Variants in SYTL2 observed in about 807,000 individuals in gnomAD.
SYTL2 encodes synaptotagmin-like protein 2.
In SYTL2, 165 loss-of-function variants were observed where a neutral mutation model predicts 198.7. The observed-to-expected ratio is 0.83, with a 90% CI of 0.73 to 0.94. SYTL2 has a LOEUF of 0.94. Ranked by LOEUF, SYTL2 falls within the 40% of genes least tolerant of loss-of-function variation. The probability of loss-of-function intolerance (pLI) is 0.00; values close to 1 mark genes in which losing one functional copy is unlikely to be tolerated. For missense variants in SYTL2, 2,835 were observed against 2,582.8 expected, an observed-to-expected ratio of 1.10 and a Z score of -2.12; for synonymous variants, 966 against 917.7, an observed-to-expected ratio of 1.05 and a Z score of -0.95.
chr11:85,789,684 A>T (rs1275324269), intron 1 of SYTL2, among the ~76,000 whole-genome samples: 1 of 151,968 alleles, frequency 6.6e-6, no homozygotes, highest in African/African-American at 2.4e-5. Context: ...CAATCTTATG[A>T]GTGATGCACA....
At chr11:85,824,283 G>A in the SYTL2 span, among the ~76,000 whole-genome samples, 2 of 152,064 alleles carry the variant, frequency 1.3e-5, no homozygotes, top group Non-Finnish European at 2.9e-5. Flanking sequence ...GAAGGTCCAC[G>A]GCAAACTTGG....
At chr11:85,789,285 A>G (rs2153618858) in intron 1 of SYTL2, among the ~76,000 whole-genome samples, 1 of 139,780 alleles carries the variant, frequency 7.2e-6, no homozygotes, top group African/African-American at 2.7e-5. Context: ...GTGTGTGTAT[A>G]TATATATATA....
intron 18 of SYTL2, among the ~76,000 whole-genome samples, chr11:85,697,461 A>G (rs1202956957): frequency 6.6e-6 from 1 of 152,238 alleles, no homozygotes; most frequent in Non-Finnish European, 1.5e-5. Context: ...ACTAGATGCC[A>G]GTCACTTTAT....
Position 85,724,319 on chromosome 11 carries a change from G to A in SYTL2, c.5039C>T (p.Thr1680Ile). Residue 1680 changes from threonine (T) to isoleucine (I), a missense_variant, in exon 8 of 20, where the codon ACC becomes ATC. Thr to Ile is a moderately conservative substitution (Grantham distance 89). Transcript: ENST00000359152. ...AHEIGTIKTVTPPEDRDSESG... is the reference protein window; with the variant it reads ...AHEIGTIKTVIPPEDRDSESG... ...TTCACTGTCCCTGTCCTCTGGGGGG[G>A]TTACAGTTTTAATGGTCCCTATTTC... 2 of 1,579,336 alleles carry A rather than the reference G, an allele frequency of 1.3e-6. No individual in the cohort carries two copies. Among genetic ancestry groups the A allele is most frequent in the Non-Finnish European group, 1.7e-6 (2 of 1,165,820 alleles).
Position 85,724,354 on chromosome 11 carries a change from A to G in SYTL2, c.5004T>C (p.Tyr1668=). The change falls in exon 8 of 20, where the codon TAT becomes TAC. Residue 1668 remains tyrosine (Y), a synonymous_variant. Transcript: ENST00000359152. ...GVEIPRTPQL[Y]VAHEIGTIKT... is the part of the protein sequence containing the mutation. ...TAATGGTCCCTATTTCATGAGCCAC[A>G]TAAAGTTGTGGGGTTCTAGGGATCT... is the stretch of plus-strand genomic sequence containing the variant. 1 of 1,586,758 alleles carries G rather than the reference A, an allele frequency of 6.3e-7. No individual in the cohort carries two copies. Among genetic ancestry groups the G allele is most frequent in the Non-Finnish European group, 8.6e-7 (1 of 1,169,186 alleles).
intron 1 of SYTL2, among the ~76,000 whole-genome samples, chr11:85,797,526 G>C (rs1346588329): frequency 6.6e-6 from 1 of 151,666 alleles, no homozygotes; most frequent in East Asian, 1.9e-4. Flanking sequence ...TACTTGGGAA[G>C]CTGAGGCACA....
intron 8 of SYTL2, among the ~76,000 whole-genome samples, chr11:85,723,240 G>A (rs780374523): frequency 6.6e-4 from 101 of 152,330 alleles, no homozygotes; most frequent in Non-Finnish European, 1.1e-3. Context: ...TGAATGTGGA[G>A]ATCGACTCAG....
intron 1 of SYTL2, among the ~76,000 whole-genome samples, chr11:85,790,736 T>C (rs1284352936): frequency 6.6e-6 from 1 of 152,192 alleles, no homozygotes; most frequent in Non-Finnish European, 1.5e-5. Context: ...CCTATGGTGC[T>C]GGCAGGTCCT....
chr11:85,705,228 T>G, intron 15 of SYTL2, 200 bp from the exon 16 acceptor site: 3 of 456,624 alleles, frequency 6.6e-6, no homozygotes, highest in Non-Finnish European at 1.2e-5. Context: ...AAAAGCTGAT[T>G]TGCTTCCCCA....
chr11:85,714,515 G>A lies in SYTL2; in HGVS notation c.5531-8C>T. 1 of 1,607,586 alleles carries A rather than the reference G, an allele frequency of 6.2e-7. No homozygotes were observed. Among genetic ancestry groups the A allele is most frequent in the East Asian group, 2.2e-5 (1 of 44,804 alleles). On this transcript the variant is annotated splice_polypyrimidine_tract_variant and splice_region_variant and intron_variant, in intron 11 of 19. Transcript: ENST00000359152. ...GTGTAGGCACTGTGGAAACTAAACA[G>A]CAGCATTTCCATTTCAAAATTATTC...
At chr11:85,820,256 A>T in the SYTL2 span, among the ~76,000 whole-genome samples, 1 of 152,224 alleles carries the variant, frequency 6.6e-6, no homozygotes, top group Admixed American at 6.5e-5. Flanking sequence ...AATAACTTTA[A>T]AATAATTTGA....
chr11:85,853,624 CCCCCTCTGCGAGAAA>C, the SYTL2 span: 2 of 149,688 alleles, frequency 1.3e-5, no homozygotes, highest in Non-Finnish European at 2.9e-5. Context: ...CCTGCCAAAT[CCCCCTCTGCGAGAAA>C]CACCCAAGAA....
At chr11:85,756,612 CAA>C (rs1444137748) in intron 2 of SYTL2, among the ~76,000 whole-genome samples, 1 of 152,140 alleles carries the variant, frequency 6.6e-6, no homozygotes, top group Non-Finnish European at 1.5e-5. Context: ...CCACCAACCG[CAA>C]AAGAGTATGT....
chr11:85,700,721 T>A (rs2084166384), intron 16 of SYTL2, 128 bp from the exon 17 acceptor site: 3 of 697,300 alleles, frequency 4.3e-6, no homozygotes, highest in South Asian at 1.7e-5. Flanking sequence ...TGCTCTGGAT[T>A]AAAATTTCTC....
chr11:85,711,138 G>T lies in SYTL2; in HGVS notation c.5720C>A (p.Ser1907Tyr). Residue 1907 changes from serine to tyrosine, a missense_variant, in exon 13 of 20, where the codon TCC becomes TAC. By Grantham distance (144) the Ser-to-Tyr change is moderately radical. This residue lies in a region of SYTL2 where 2,645 missense variants were observed against 2,381.7 expected (regional missense o/e 1.11). Transcript: ENST00000359152. ...SPSSLTNLSSSSGMTSLSSVS... is the reference protein window; with the variant it reads ...SPSSLTNLSSYSGMTSLSSVS... ...AGAAGACAAGGACGTCATGCCAGAG[G>T]AGCTGCTAAGATTGGTTAAAGAGCT... 7 of 1,614,114 alleles carry T rather than the reference G, an allele frequency of 4.3e-6. No homozygotes were observed. Among genetic ancestry groups the T allele is most frequent in the Non-Finnish European group, 5.9e-6 (7 of 1,179,982 alleles).
chr11:85,811,385 CT>C (rs1170856289), upstream of SYTL2, among the ~76,000 whole-genome samples: 31 of 152,300 alleles, frequency 2.0e-4, no homozygotes, highest in Non-Finnish European at 3.7e-4. Flanking sequence ...TCAAGTGTAC[CT>C]TGCCCCGAAA....
chr11:85,809,894 G>A (rs1438621487), intron 1 of SYTL2, among the ~76,000 whole-genome samples: 1 of 152,204 alleles, frequency 6.6e-6, no homozygotes, highest in East Asian at 1.9e-4. Flanking sequence ...TGAGGGAAGG[G>A]AAATGCTGGA....
chr11:85,736,470 A>G, intron 6 of SYTL2, 31 bp downstream of exon 6: 1 of 1,211,698 alleles, frequency 8.3e-7, no homozygotes, highest in Non-Finnish European at 1.2e-6. Flanking sequence ...AACAAAGATA[A>G]AAAAATCAAG....
intron 1 of SYTL2, among the ~76,000 whole-genome samples, chr11:85,792,842 C>T (rs7124300): frequency 0.43 from 64,399 of 150,534 alleles, 14,791 homozygotes; most frequent in African/African-American, 0.58. Flanking sequence ...TGTGTTCTCA[C>T]TGTTCAATTC....
Sources: allele counts gnomAD v4.1 joint callset (sites outside exome capture counted in the v4.1 genomes callset), GRCh38; gene constraint gnomAD v4.1.1; regional missense constraint gnomAD v4.1.1; transcripts MANE v1.5; gene names NCBI Gene and HGNC (gene_info 2026-07-23, HGNC 2026-07-21).